Variants in TMEM117 observed in about 807,000 individuals in gnomAD.
The protein encoded by TMEM117 is transmembrane protein 117.
Under a neutral mutation model 52.4 loss-of-function variants are expected in TMEM117, and 27 were observed. The observed-to-expected ratio is 0.51, with a 90% CI of 0.38 to 0.71. The LOEUF (loss-of-function observed/expected upper bound fraction) is 0.71, where lower values mean the gene tolerates loss of function less well. TMEM117 is among the 30% of genes least tolerant of loss of function. The pLI is 0.00. For missense variants in TMEM117, 556 were observed against 630.5 expected, an observed-to-expected ratio of 0.88 and a Z score of 1.26; for synonymous variants, 215 against 206.3, an observed-to-expected ratio of 1.04 and a Z score of -0.36.
chr12:44,003,487 G>A (rs183295438), intron 3 of TMEM117, among the ~76,000 whole-genome samples: 1 of 152,264 alleles, frequency 6.6e-6, no homozygotes, highest in Admixed American at 6.5e-5. Flanking sequence ...ACCCTTTCTT[G>A]TCTTTCTCCG....
chr12:43,921,403 T>A (rs1944692030), intron 2 of TMEM117, among the ~76,000 whole-genome samples: 1 of 152,172 alleles, frequency 6.6e-6, no homozygotes, highest in South Asian at 2.1e-4. Flanking sequence ...AGATTTGGAG[T>A]CTGATAGATC....
intron 2 of TMEM117, among the ~76,000 whole-genome samples, chr12:43,916,871 A>G (rs1944612897): frequency 1.3e-5 from 2 of 152,110 alleles, no homozygotes; most frequent in Admixed American, 6.6e-5. Context: ...TGATGTTAAC[A>G]ATCTCACTGT....
intron 3 of TMEM117, among the ~76,000 whole-genome samples, chr12:43,959,806 T>C (rs1002029628): frequency 6.6e-6 from 1 of 152,144 alleles, no homozygotes; most frequent in Non-Finnish European, 1.5e-5. Context: ...AAAATTAAAT[T>C]TAATAAAATA....
intron 5 of TMEM117, among the ~76,000 whole-genome samples, chr12:44,214,325 T>C (rs1357445704): frequency 6.6e-6 from 1 of 151,592 alleles, no homozygotes; most frequent in African/African-American, 2.4e-5. Flanking sequence ...TTTTTTGTTG[T>C]TGTTTTTTGT....
chr12:44,065,643 T>C (rs1341541806), intron 3 of TMEM117, among the ~76,000 whole-genome samples: 1 of 152,178 alleles, frequency 6.6e-6, no homozygotes, highest in Non-Finnish European at 1.5e-5. Context: ...TTGGTAAAAA[T>C]CCATGTAAAG....
chr12:43,968,699 A>G (rs923655114), intron 3 of TMEM117, among the ~76,000 whole-genome samples: 6 of 152,172 alleles, frequency 3.9e-5, no homozygotes, highest in African/African-American at 1.4e-4. Flanking sequence ...CCCTTTGCAG[A>G]ATTAAAAAAA....
intron 3 of TMEM117, among the ~76,000 whole-genome samples, chr12:44,088,169 A>G (rs1947604047): frequency 6.6e-6 from 1 of 152,194 alleles, no homozygotes; most frequent in Non-Finnish European, 1.5e-5. Context: ...GTTGTGGCAG[A>G]ACTCAAAGGG....
At chr12:43,951,769 G>A (rs1276134126) in intron 3 of TMEM117, among the ~76,000 whole-genome samples, 2 of 152,152 alleles carry the variant, frequency 1.3e-5, no homozygotes, top group Non-Finnish European at 2.9e-5. Context: ...GATTCCCTGA[G>A]CACAGCACAC....
chr12:44,192,396 C>A (rs1333547924), intron 4 of TMEM117, among the ~76,000 whole-genome samples: 1 of 152,108 alleles, frequency 6.6e-6, no homozygotes, highest in Non-Finnish European at 1.5e-5. Context: ...AGGGAGAAGA[C>A]CAAATAAAAT....
At chr12:43,953,189 C>T (rs1186009093) in intron 3 of TMEM117, among the ~76,000 whole-genome samples, 1 of 152,036 alleles carries the variant, frequency 6.6e-6, no homozygotes, top group Admixed American at 6.6e-5. Context: ...CCAGCTACTA[C>T]AAAAACACAC....
chr12:43,896,137 A>G (rs1165948912), intron 2 of TMEM117, among the ~76,000 whole-genome samples: 1 of 152,202 alleles, frequency 6.6e-6, no homozygotes, highest in Non-Finnish European at 1.5e-5. Flanking sequence ...GTTGACACAT[A>G]GTATTGACCA....
At chr12:44,022,839 A>C (rs1301158848) in intron 3 of TMEM117, among the ~76,000 whole-genome samples, 1 of 152,170 alleles carries the variant, frequency 6.6e-6, no homozygotes, top group Non-Finnish European at 1.5e-5. Flanking sequence ...ATACTACCCA[A>C]GTACAGAGAT....
intron 3 of TMEM117, among the ~76,000 whole-genome samples, chr12:43,964,467 C>A (rs181976345): frequency 6.6e-6 from 1 of 152,290 alleles, no homozygotes; most frequent in African/African-American, 2.4e-5. Flanking sequence ...TCCTAAAATT[C>A]TTCTCCACCT....
chr12:44,243,684 A>G (rs1330183328), intron 5 of TMEM117, among the ~76,000 whole-genome samples: 2 of 151,894 alleles, frequency 1.3e-5, no homozygotes, highest in African/African-American at 2.4e-5. Context: ...GTTATTATTA[A>G]CTATAGTCAC....
chr12:43,927,431 T>C (rs905317604), intron 2 of TMEM117, among the ~76,000 whole-genome samples: 4 of 151,510 alleles, frequency 2.6e-5, no homozygotes, highest in African/African-American at 9.7e-5. Context: ...TATATCTTTG[T>C]TAATTTTTTT....
At chr12:43,918,240 C>A (rs1944637647) in intron 2 of TMEM117, among the ~76,000 whole-genome samples, 1 of 152,164 alleles carries the variant, frequency 6.6e-6, no homozygotes, top group South Asian at 2.1e-4. Context: ...AATATAATTA[C>A]TGACAGTACA....
intron 3 of TMEM117, among the ~76,000 whole-genome samples, chr12:44,107,833 T>C (rs919020443): frequency 6.6e-6 from 1 of 152,134 alleles, no homozygotes; most frequent in African/African-American, 2.4e-5. Context: ...TCCACAAAAC[T>C]TTTTGTTTTC....
At chr12:44,390,857 T>C (rs1210399031), downstream of TMEM117, among the ~76,000 whole-genome samples, 1 of 152,044 alleles carries the variant, frequency 6.6e-6, no homozygotes, top group African/African-American at 2.4e-5. Flanking sequence ...GATACTAAAA[T>C]GAAATAAACT....
chr12:44,114,052 C>A (rs551545598), intron 3 of TMEM117, among the ~76,000 whole-genome samples: 1 of 148,354 alleles, frequency 6.7e-6, no homozygotes. Context: ...GGCAATGCCT[C>A]GCCCTGCTTC....
Sources: gnomAD v4.1 joint callset for allele counts (sites outside exome capture counted in the v4.1 genomes callset) on GRCh38, gnomAD v4.1.1 for gene constraint, MANE v1.5 for transcripts, NCBI Gene and HGNC (gene_info 2026-07-23, HGNC 2026-07-21) for gene names.